The following CLASP2 variants were observed in gnomAD, a reference collection of about 807,000 sequenced individuals.
CLASP2 encodes the protein CLIP-associating protein 2.
Under a neutral mutation model 194.4 loss-of-function variants are expected in CLASP2, and 47 were observed. The ratio of observed to expected loss-of-function variants is 0.24; its 90% CI spans 0.19 to 0.31. The LOEUF (loss-of-function observed/expected upper bound fraction) is 0.31, where lower values mean the gene tolerates loss of function less well. Among genes scored for constraint, CLASP2 ranks in the 10% least tolerant of loss-of-function variants. The probability of loss-of-function intolerance (pLI) is 1.00; values close to 1 mark genes in which losing one functional copy is unlikely to be tolerated. For synonymous variants in CLASP2, 619 were observed against 633.5 expected (o/e 0.98, Z 0.34); for missense variants, 1,445 against 1,823.6 (o/e 0.79, Z 3.78).
intron 37 of CLASP2, chr3:33,504,154 A>T (rs1329279286): frequency 6.6e-6 from 1 of 152,200 alleles, no homozygotes; most frequent in African/African-American, 2.4e-5. Flanking sequence ...TTAGGTCCTG[A>T]GATGAACAAA....
At chr3:33,587,572 A>G (rs977954791) in intron 21 of CLASP2, among the ~76,000 whole-genome samples, 1 of 152,254 alleles carries the variant, frequency 6.6e-6, no homozygotes, top group African/African-American at 2.4e-5. Flanking sequence ...AGTGTTTCCA[A>G]TGAAATTAAC....
chr3:33,602,007 C>T (rs865931375), intron 18 of CLASP2, among the ~76,000 whole-genome samples: 4 of 151,520 alleles, frequency 2.6e-5, no homozygotes, highest in Non-Finnish European at 4.4e-5. Flanking sequence ...ATCCAAAATC[C>T]GAAATACCTT....
At chr3:33,676,970 T>C (rs1471424114) in intron 6 of CLASP2, among the ~76,000 whole-genome samples, 7 of 152,158 alleles carry the variant, frequency 4.6e-5, no homozygotes, top group Non-Finnish European at 7.4e-5. Flanking sequence ...CCATCACTGG[T>C]CATCAGAGAA....
intron 1 of CLASP2, among the ~76,000 whole-genome samples, chr3:33,710,054 T>C (rs1296973919): frequency 6.6e-6 from 1 of 152,206 alleles, no homozygotes; most frequent in African/African-American, 2.4e-5. Flanking sequence ...GGGGCAGGAT[T>C]GGCCACGGGC....
At chr3:33,662,771 A>G (rs903511078) in intron 7 of CLASP2, among the ~76,000 whole-genome samples, 1 of 152,204 alleles carries the variant, frequency 6.6e-6, no homozygotes, top group African/African-American at 2.4e-5. Context: ...CTTTGGAAAT[A>G]GAATATATTC....
In CLASP2 at chr3:33,498,061, A is replaced by C. The variant is rs1312133693; in HGVS notation, c.*570T>G. ...TGAGGTTTTAGTTTTCAAACTATAG[A>C]TCACCCCAAAGAAGTTGCAACTAAT... On this transcript the variant is annotated 3_prime_UTR_variant, in exon 39 of 39. Transcript: ENST00000682230. 1 of 152,646 alleles carries C rather than the reference A, an allele frequency of 6.6e-6. No individual in the cohort carries two copies. The highest frequency in any genetic ancestry group is 1.5e-5 in the Non-Finnish European group (1 of 68,048). The allele number at this position is 152,646 out of a possible 1,614,324, so 9.5% of individuals were successfully genotyped here.
intron 7 of CLASP2, chr3:33,645,274 C>A (rs2082088283): frequency 1.3e-6 from 1 of 765,162 alleles, no homozygotes; most frequent in Non-Finnish European, 2.4e-6. Flanking sequence ...CCAGATTCTG[C>A]AACTTACAAT....
chr3:33,574,579 C>T, intron 24 of CLASP2: 5 of 722,820 alleles, frequency 6.9e-6, no homozygotes, highest in Non-Finnish European at 1.1e-5. Flanking sequence ...TAGGCATTAA[C>T]AATGCCTATG....
chr3:33,534,605 A>G (rs527885398), intron 34 of CLASP2, among the ~76,000 whole-genome samples: 4 of 152,276 alleles, frequency 2.6e-5, no homozygotes, highest in African/African-American at 4.8e-5. Flanking sequence ...GTTTTGTACT[A>G]TATCATCAGT....
chr3:33,517,283 G>T, intron 34 of CLASP2, 109 bp from the exon 35 acceptor site: 1 of 834,198 alleles, frequency 1.2e-6, no homozygotes, highest in Non-Finnish European at 1.7e-6. Flanking sequence ...CATGTTTGCT[G>T]TAAAAAAGAC....
intron 26 of CLASP2, among the ~76,000 whole-genome samples, chr3:33,568,572 A>AAAAAAAAAAAAAAAAAAAAAAAAAAAAC (rs1387998822): frequency 6.7e-6 from 1 of 150,166 alleles, no homozygotes; most frequent in African/African-American, 2.5e-5. Context: ...AAAAAAAAAA[A>AAAAAAAAAAAAAAAAAAAAAAAAAAAAC]AAATTACACA....
chr3:33,530,938 C>T (rs1417872020), intron 34 of CLASP2, among the ~76,000 whole-genome samples: 2 of 152,156 alleles, frequency 1.3e-5, no homozygotes, highest in African/African-American at 4.8e-5. Context: ...GCAATCACTA[C>T]CAAAATCCCA....
chr3:33,585,662 T>C (rs910298205), intron 21 of CLASP2, among the ~76,000 whole-genome samples: 1 of 152,194 alleles, frequency 6.6e-6, no homozygotes, highest in Non-Finnish European at 1.5e-5. Context: ...TCTGAGATTC[T>C]GGTGCACCTG....
intron 27 of CLASP2, 61 bp from the exon 28 acceptor site, chr3:33,561,032 CAATTCA>C: frequency 2.8e-6 from 4 of 1,411,712 alleles, no homozygotes; most frequent in Non-Finnish European, 3.9e-6. Flanking sequence ...CCTCTATGTT[CAATTCA>C]AAGCGAATAC....
At chr3:33,532,367 G>C (rs574565437) in intron 34 of CLASP2, among the ~76,000 whole-genome samples, 3 of 152,282 alleles carry the variant, frequency 2.0e-5, no homozygotes, top group South Asian at 2.1e-4. Context: ...GGGCTGGAGT[G>C]GGGGTGGAAT....
At chr3:33,679,258 T>C (rs2089390862) in intron 6 of CLASP2, among the ~76,000 whole-genome samples, 1 of 152,070 alleles carries the variant, frequency 6.6e-6, no homozygotes, top group African/African-American at 2.4e-5. Context: ...CAGAACTAAA[T>C]ATAAAAAGCA....
chr3:33,525,265 A>AG (rs1322085001), intron 34 of CLASP2, among the ~76,000 whole-genome samples: 2 of 152,188 alleles, frequency 1.3e-5, no homozygotes, highest in Non-Finnish European at 2.9e-5. Flanking sequence ...AACAGTGCTA[A>AG]GGGGGAAATT....
intron 5 of CLASP2, among the ~76,000 whole-genome samples, chr3:33,685,713 G>T (rs2090575246): frequency 6.8e-6 from 1 of 147,650 alleles, no homozygotes; most frequent in Admixed American, 7.2e-5. Context: ...AGACACAAAA[G>T]AACAAATATT....
chr3:33,498,984 A>G (rs1575532769), intron 38 of CLASP2, among the ~76,000 whole-genome samples: 1 of 152,262 alleles, frequency 6.6e-6, no homozygotes, highest in Non-Finnish European at 1.5e-5. Flanking sequence ...TCTTTTCAAA[A>G]TATATTGTAG....
Sources: gnomAD v4.1 joint callset for allele counts (sites outside exome capture counted in the v4.1 genomes callset) on GRCh38, gnomAD v4.1.1 for gene constraint, MANE v1.5 for transcripts, NCBI Gene and HGNC (gene_info 2026-07-23, HGNC 2026-07-21) for gene names.